CACNG8: variants seen among roughly 807,000 people sequenced by gnomAD.
CACNG8 encodes voltage-dependent calcium channel gamma-8 subunit.
CACNG8 carries 5 observed loss-of-function variants against 26.9 expected under a neutral mutation model. The observed-to-expected ratio is 0.19, with a 90% CI of 0.10 to 0.39. The LOEUF (loss-of-function observed/expected upper bound fraction) is 0.39, where lower values mean the gene tolerates loss of function less well. CACNG8 is among the 10% of genes least tolerant of loss of function. The pLI is 1.00. For missense variants in CACNG8, 473 were observed against 609.4 expected (o/e 0.78, Z 2.36); for synonymous variants, 321 against 296.7 (o/e 1.08, Z -0.84).
At chr19:53,969,807 G>A (rs955230589) in intron 1 of CACNG8, among the ~76,000 whole-genome samples, 24 of 152,248 alleles carry the variant, frequency 1.6e-4, no homozygotes, top group Admixed American at 1.3e-3. Context: ...CCTAAGGAGC[G>A]GCCGTTCTTT....
At chr19:53,965,376 C>T (rs549426371) in intron 1 of CACNG8, among the ~76,000 whole-genome samples, 2 of 152,090 alleles carry the variant, frequency 1.3e-5, no homozygotes, top group South Asian at 2.1e-4. Flanking sequence ...CCACAGTCAC[C>T]TCCATCTGCT....
At chr19:53,963,573 C>A in intron 1 of CACNG8, 148 bp downstream of exon 1, 1 of 738,386 alleles carries the variant, frequency 1.4e-6, no homozygotes, top group Non-Finnish European at 2.1e-6. Context: ...CCCACTCGCG[C>A]CCCTGACCTC....
At chr19:53,975,383 T>C (rs2069325009) in intron 1 of CACNG8, among the ~76,000 whole-genome samples, 1 of 149,660 alleles carries the variant, frequency 6.7e-6, no homozygotes, top group Non-Finnish European at 1.5e-5. Context: ...CAATCATTCT[T>C]TTTTTTTCTT....
chr19:53,978,410 A>C (rs778849187), intron 2 of CACNG8, among the ~76,000 whole-genome samples, 181 bp downstream of exon 2: 1 of 151,972 alleles, frequency 6.6e-6, no homozygotes, highest in Middle Eastern at 3.2e-3. Flanking sequence ...TGGCTGACTG[A>C]TCTCGTTCCC....
Position 53,982,579 on chromosome 19 carries a change from C to T in CACNG8, c.1008C>T (p.Phe336=), listed in dbSNP as rs1191912698. ...GCGGCGGCGGCGCCGTGGGGGCGTT[C>T]GGCGGCGCGGCCGGGGGCGCCGGGG... is the stretch of plus-strand genomic sequence containing the variant. The change falls in exon 4 of 4, where the codon TTC becomes TTT. Residue 336 remains phenylalanine (F), a synonymous_variant. Coordinates refer to ENST00000270458, the MANE Select transcript of CACNG8 (RefSeq NM_031895.6). The surrounding 1 kb of genome is among the most constrained non-coding windows in gnomAD (Gnocchi z 8.4). The T allele has an allele frequency of 5.4e-5, 53 of 978,710 alleles. No individual in the cohort carries two copies. The highest frequency in any genetic ancestry group is 6.2e-5 in the Non-Finnish European group (51 of 826,330). The allele number at this position is 978,710 out of a possible 1,614,324, so 60.6% of individuals were successfully genotyped here. A position where few individuals can be genotyped will look rare whatever the true frequency, so the allele number is the denominator to read the frequency against.
At chr19:53,978,321 T>G in intron 2 of CACNG8, 92 bp downstream of exon 2, 2 of 928,086 alleles carry the variant, frequency 2.2e-6, no homozygotes, top group Non-Finnish European at 3.4e-6. Flanking sequence ...GCACTGGGAC[T>G]CCGGCACTTG....
chr19:53,989,675 C>T lies in CACNG8; in HGVS notation c.*6826C>T, dbSNP rs1363976170. On this transcript the variant is annotated 3_prime_UTR_variant, in exon 4 of 4. Transcript: ENST00000270458. ...CGGGCATTGAGGAAACGCAGCAGGCCCCTCCCCTAGCTGGGGCGGGGATGT... is the reference window on the plus strand; with the variant it reads ...CGGGCATTGAGGAAACGCAGCAGGCTCCTCCCCTAGCTGGGGCGGGGATGT... The T allele has an allele frequency of 6.6e-6, 1 of 152,204 alleles. No homozygotes were observed. The highest frequency in any genetic ancestry group is 2.4e-5 in the African/African-American group (1 of 41,444). The allele number at this position is 152,204 out of a possible 1,614,324, so 9.4% of individuals were successfully genotyped here. A position where few individuals can be genotyped will look rare whatever the true frequency, so the allele number is the denominator to read the frequency against.
At chr19:53,968,469 A>G (rs1035239459) in intron 1 of CACNG8, among the ~76,000 whole-genome samples, 1 of 151,738 alleles carries the variant, frequency 6.6e-6, no homozygotes, top group African/African-American at 2.4e-5. Flanking sequence ...CCAGTCTACT[A>G]TTAAAATGTG....
In CACNG8 at chr19:53,982,821, C is replaced by A. The variant is rs1470747603; in HGVS notation, c.1250C>A (p.Thr417Lys). 2 of 1,376,272 alleles carry A rather than the reference C, an allele frequency of 1.5e-6. No homozygotes were observed. The highest frequency in any genetic ancestry group is 1.4e-5 in the South Asian group (1 of 69,026). 85.3% of individuals were successfully genotyped at this position (1,376,272 alleles called of 1,614,324 possible). A position where few individuals can be genotyped will look rare whatever the true frequency, so the allele number is the denominator to read the frequency against. Residue 417 changes from threonine to lysine, a missense_variant, in exon 4 of 4, where the codon ACG becomes AAG. Around this residue, in one of 6 missense-constraint regions of CACNG8, gnomAD observed 212 missense variants for 214.4 expected, o/e 0.99. Transcript: ENST00000270458. The surrounding 1 kb of genome is among the most constrained non-coding windows in gnomAD (Gnocchi z 8.4). ...GAGGCCGCCGCCTCCAACACCAACA[C>A]GCTCAACAGGAAAACCACGCCTGTG...
Position 53,984,261 on chromosome 19 carries a change from C to G in CACNG8, c.*1412C>G, listed in dbSNP as rs1336456228. On this transcript the variant is annotated 3_prime_UTR_variant, in exon 4 of 4. Coordinates refer to ENST00000270458, the MANE Select transcript of CACNG8 (RefSeq NM_031895.6). ...CCAGGAAGTGTGTTAGGATCCAGATCCCCAGGGGTGAAACAGACTCTAGCC... is the reference window on the plus strand; with the variant it reads ...CCAGGAAGTGTGTTAGGATCCAGATGCCCAGGGGTGAAACAGACTCTAGCC... 6.6e-6 allele frequency: 1 copy of G among 152,206 alleles called. No individual in the cohort carries two copies. The highest frequency in any genetic ancestry group is 1.5e-5 in the Non-Finnish European group (1 of 68,056). 9.4% of individuals were successfully genotyped at this position (152,206 alleles called of 1,614,324 possible).
chr19:53,963,469 C>T, intron 1 of CACNG8, 44 bp downstream of exon 1: 6 of 1,420,956 alleles, frequency 4.2e-6, no homozygotes, highest in Non-Finnish European at 3.7e-6. Context: ...CCGCTCCCCT[C>T]CGAGAGACCC....
intron 1 of CACNG8, among the ~76,000 whole-genome samples, chr19:53,968,577 G>A (rs944509604): frequency 6.6e-6 from 1 of 151,742 alleles, no homozygotes; most frequent in Non-Finnish European, 1.5e-5. Context: ...AGACCAGCCT[G>A]ACCAACATGG....
Position 53,963,021 on chromosome 19 carries a change from G to GC in CACNG8, c.-118dup. The GC allele has an allele frequency of 1.3e-5, 2 of 155,386 alleles. No individual in the cohort carries two copies. Among genetic ancestry groups the GC allele is most frequent in the African/African-American group, 3.2e-5 (1 of 31,692 alleles). The allele number at this position is 155,386 out of a possible 1,614,324, so 9.6% of individuals were successfully genotyped here. A position where few individuals can be genotyped will look rare whatever the true frequency, so the allele number is the denominator to read the frequency against. ...CTCCTCCTCGCCGCCCCCCTCCCCA[G>GC]CCCCGCCGGCCCCGGGCCCCCCGCT... On this transcript the variant is annotated 5_prime_UTR_variant, in exon 1 of 4. Transcript: ENST00000270458.
At chr19:53,975,502 C>T (rs1399043654) in intron 1 of CACNG8, among the ~76,000 whole-genome samples, 1 of 152,140 alleles carries the variant, frequency 6.6e-6, no homozygotes, top group Non-Finnish European at 1.5e-5. Flanking sequence ...GCCTCAGGCT[C>T]CCAAGTAGCT....
chr19:53,983,653 A>G lies in CACNG8; in HGVS notation c.*804A>G, dbSNP rs1048419776. ...TAAATTACAGTTAGGCTATAGGAGAAACGAGATGCTATGAAATGCTCCATC... is the reference window on the plus strand; with the variant it reads ...TAAATTACAGTTAGGCTATAGGAGAGACGAGATGCTATGAAATGCTCCATC... On this transcript the variant is annotated 3_prime_UTR_variant, in exon 4 of 4. Transcript: ENST00000270458. 6.6e-6 allele frequency: 1 copy of G among 152,310 alleles called. No homozygotes were observed. Among genetic ancestry groups the G allele is most frequent in the Non-Finnish European group, 1.5e-5 (1 of 68,088 alleles). The allele number at this position is 152,310 out of a possible 1,614,324, so 9.4% of individuals were successfully genotyped here.
rs2069387747 is a variant in CACNG8, at chr19:53,983,409, A to T, written c.*560A>T. ...CCTACTGTGTACCAGGCACTGGTAC[A>T]TAAGAAGGCATTGGAGCAGGGGACA... On this transcript the variant is annotated 3_prime_UTR_variant, in exon 4 of 4. Transcript: ENST00000270458. The T allele has an allele frequency of 6.6e-6, 1 of 152,234 alleles. No homozygotes were observed. The highest frequency in any genetic ancestry group is 1.5e-5 in the Non-Finnish European group (1 of 68,050). The allele number at this position is 152,234 out of a possible 1,614,324, so 9.4% of individuals were successfully genotyped here.
chr19:53,972,438 T>C (rs552016750), intron 1 of CACNG8, among the ~76,000 whole-genome samples: 92 of 145,882 alleles, frequency 6.3e-4, no homozygotes, highest in South Asian at 2.7e-3. Context: ...CTCTGCTCAC[T>C]GAAACCTCCA....
chr19:53,965,411 C>CGGCTCT, intron 1 of CACNG8, among the ~76,000 whole-genome samples: 1 of 152,064 alleles, frequency 6.6e-6, no homozygotes, highest in East Asian at 1.9e-4. Flanking sequence ...ATTCCTCCCA[C>CGGCTCT]GGCTCTCGTG....
intron 1 of CACNG8, among the ~76,000 whole-genome samples, chr19:53,968,653 A>C (rs1015622247): frequency 3.3e-5 from 5 of 151,296 alleles, no homozygotes; most frequent in Non-Finnish European, 7.4e-5. Flanking sequence ...CTATAATCCC[A>C]GCTACTCGGG....
Sources: allele counts gnomAD v4.1 joint callset (sites outside exome capture counted in the v4.1 genomes callset), GRCh38; gene constraint gnomAD v4.1.1; regional missense constraint gnomAD v4.1.1; non-coding constraint Gnocchi (gnomAD v3.1); transcripts MANE v1.5; gene names NCBI Gene and HGNC (gene_info 2026-07-23, HGNC 2026-07-21).